Variants in SKAP1 observed in about 807,000 individuals in gnomAD.
SKAP1 encodes src kinase-associated phosphoprotein 1.
In SKAP1, 44 loss-of-function variants were observed where a neutral mutation model predicts 58.5. The ratio of observed to expected loss-of-function variants is 0.75; its 90% CI spans 0.59 to 0.97. The LOEUF is 0.97. SKAP1 is among the 50% of genes least tolerant of loss of function. The pLI, the probability that SKAP1 is intolerant of heterozygous loss-of-function variation, is 0.00. For missense variants in SKAP1, 390 were observed against 435.2 expected, an observed-to-expected ratio of 0.90 and a Z score of 0.92; for synonymous variants, 127 against 149.7, an observed-to-expected ratio of 0.85 and a Z score of 1.11.
In SKAP1 at chr17:48,253,753, T is replaced by C. The variant is rs2065393460; in HGVS notation, c.281-64253A>G. Among the ~76,000 whole-genome samples the C allele has an allele frequency of 2.0e-5, 3 of 152,234 alleles. No individual in the cohort carries two copies. In the East Asian group the frequency reaches 5.8e-4, roughly 29 times the overall value. On this transcript the variant is annotated intron_variant, in intron 4 of 12. Coordinates refer to ENST00000336915, the MANE Select transcript of SKAP1 (RefSeq NM_003726.4). ...CTCTCTCTGAGAGATCAAGAGATGCTCTGGCTGCCACCAAGGGGAGGAAAG... is the reference window on the plus strand; with the variant it reads ...CTCTCTCTGAGAGATCAAGAGATGCCCTGGCTGCCACCAAGGGGAGGAAAG...
At chr17:48,171,932 C>T (rs896426788) in intron 9 of SKAP1, among the ~76,000 whole-genome samples, 1 of 151,946 alleles carries the variant, frequency 6.6e-6, no homozygotes, top group African/African-American at 2.4e-5. Flanking sequence ...CTGTGGCGGG[C>T]GCCTGTAACC....
intron 8 of SKAP1, 142 bp from the exon 9 acceptor site, chr17:48,180,390 C>T: frequency 1.5e-6 from 1 of 664,838 alleles, no homozygotes; most frequent in Non-Finnish European, 2.4e-6. Context: ...GCTATTATTT[C>T]TAATGTGGGC....
At chr17:48,249,145 G>A (rs2065332905) in intron 4 of SKAP1, 1 of 152,134 alleles carries the variant, frequency 6.6e-6, no homozygotes, top group African/African-American at 2.4e-5. Flanking sequence ...AGACTATTCA[G>A]GTGGCCTCCA....
At chr17:48,370,847 A>G (rs2067075078) in intron 2 of SKAP1, among the ~76,000 whole-genome samples, 1 of 152,224 alleles carries the variant, frequency 6.6e-6, no homozygotes, top group South Asian at 2.1e-4. Context: ...TCACAGTGCT[A>G]TTCATAATAG....
At chr17:48,198,959 T>C (rs1044791267) in intron 4 of SKAP1, among the ~76,000 whole-genome samples, 14 of 152,204 alleles carry the variant, frequency 9.2e-5, no homozygotes, top group African/African-American at 2.7e-4. Flanking sequence ...AAATGCCACA[T>C]TGTCTTTTTA....
In SKAP1 at chr17:48,354,652, G is replaced by GCAGT. The variant is rs539793965; in HGVS notation, c.179-8650_179-8647dup. Among the ~76,000 whole-genome samples, 18 of 152,220 alleles carry GCAGT rather than the reference G, an allele frequency of 1.2e-4. No individual in the cohort carries two copies. In the East Asian group the frequency reaches 3.5e-3, roughly 29 times the overall value. The stretch of plus-strand genomic sequence containing the variant: ...TATAAATCCCCTTGCCTATAACTTA[G>GCAGT]CAGTCCCTTTCCTGTGCTAGTGATA... On this transcript the variant is annotated intron_variant, in intron 3 of 12. Transcript: ENST00000336915.
intron 4 of SKAP1, among the ~76,000 whole-genome samples, chr17:48,327,284 A>C (rs573438137): frequency 6.6e-6 from 1 of 152,214 alleles, no homozygotes; most frequent in African/African-American, 2.4e-5. Flanking sequence ...ATTTATTTTT[A>C]AAAATTTTAA....
chr17:48,341,538 G>A (rs1015233572), intron 4 of SKAP1, among the ~76,000 whole-genome samples: 2 of 152,124 alleles, frequency 1.3e-5, no homozygotes, highest in South Asian at 2.1e-4. Context: ...TTTATTTCCA[G>A]AATATTCTCT....
chr17:48,436,025 T>G, the SKAP1 span, among the ~76,000 whole-genome samples: 1 of 152,332 alleles, frequency 6.6e-6, no homozygotes, highest in African/African-American at 2.4e-5. Flanking sequence ...TTTCCTTGCC[T>G]TCAGAATTGT....
chr17:48,341,373 A>G (rs1247399932), intron 4 of SKAP1, among the ~76,000 whole-genome samples: 1 of 152,152 alleles, frequency 6.6e-6, no homozygotes, highest in African/African-American at 2.4e-5. Context: ...CTTTCTCCCC[A>G]CTATTATAAA....
chr17:48,401,124 G>A (rs538261899), intron 1 of SKAP1, among the ~76,000 whole-genome samples: 2 of 152,180 alleles, frequency 1.3e-5, no homozygotes, highest in South Asian at 2.1e-4. Flanking sequence ...TGGTCAACAC[G>A]GAGAAACCCT....
intron 10 of SKAP1, among the ~76,000 whole-genome samples, chr17:48,168,121 C>G (rs2064162691): frequency 6.6e-6 from 1 of 151,968 alleles, no homozygotes; most frequent in African/African-American, 2.4e-5. Flanking sequence ...GTCATTAACA[C>G]TCAATAAGGA....
At chr17:48,230,687 A>T (rs1437921238) in intron 4 of SKAP1, among the ~76,000 whole-genome samples, 1 of 152,048 alleles carries the variant, frequency 6.6e-6, no homozygotes, top group Non-Finnish European at 1.5e-5. Context: ...GCCTGGGGAG[A>T]TAGAGGCTAC....
At chr17:48,229,274 C>T (rs1327375266) in intron 4 of SKAP1, among the ~76,000 whole-genome samples, 1 of 152,110 alleles carries the variant, frequency 6.6e-6, no homozygotes, top group Non-Finnish European at 1.5e-5. Flanking sequence ...TGATCATCAA[C>T]TACCTAGAAG....
chr17:48,393,191 C>T (rs1327857505), intron 2 of SKAP1, among the ~76,000 whole-genome samples: 1 of 152,188 alleles, frequency 6.6e-6, no homozygotes, highest in African/African-American at 2.4e-5. Flanking sequence ...ATGAAAATCA[C>T]AGCTTAGGAC....
At chr17:48,411,348 G>A (rs966433152) in intron 1 of SKAP1, among the ~76,000 whole-genome samples, 1 of 151,682 alleles carries the variant, frequency 6.6e-6, no homozygotes, top group South Asian at 2.1e-4. Flanking sequence ...GCAGTGAGCC[G>A]ACATCACGCC....
chr17:48,214,793 G>A (rs1598434012), intron 4 of SKAP1, among the ~76,000 whole-genome samples: 1 of 151,378 alleles, frequency 6.6e-6, no homozygotes, highest in East Asian at 1.9e-4. Context: ...ATAGTGGTGC[G>A]TGCCTGTAGT....
intron 4 of SKAP1, among the ~76,000 whole-genome samples, chr17:48,272,619 G>A (rs1172798850): frequency 3.3e-5 from 5 of 152,074 alleles, no homozygotes; most frequent in African/African-American, 7.2e-5. Flanking sequence ...GCAGCAGTGC[G>A]ATCTCAGCTT....
chr17:48,384,587 A>G (rs1412586552), intron 2 of SKAP1, among the ~76,000 whole-genome samples: 4 of 152,186 alleles, frequency 2.6e-5, no homozygotes. Context: ...TCAGTGTATT[A>G]CTATCTCCCA....
Sources: allele counts gnomAD v4.1 joint callset (sites outside exome capture counted in the v4.1 genomes callset), GRCh38; gene constraint gnomAD v4.1.1; transcripts MANE v1.5; gene names NCBI Gene and HGNC (gene_info 2026-07-23, HGNC 2026-07-21).